Variants in KTN1 observed in about 807,000 individuals in gnomAD.
The protein encoded by KTN1 is kinectin 1, also known as kinectin.
A neutral mutation model predicts 222.5 loss-of-function variants in KTN1; 130 were observed. The observed-to-expected ratio is 0.58, with a 90% CI of 0.51 to 0.68. The LOEUF (loss-of-function observed/expected upper bound fraction) is 0.68. KTN1 is among the 30% of genes least tolerant of loss of function. The pLI, the probability that KTN1 is intolerant of heterozygous loss-of-function variation, is 0.00. For missense variants in KTN1, 1,508 were observed against 1,500.4 expected, an observed-to-expected ratio of 1.01 and a Z score of -0.08; for synonymous variants, 512 against 496.3, an observed-to-expected ratio of 1.03 and a Z score of -0.42.
intron 6 of KTN1, among the ~76,000 whole-genome samples, chr14:55,628,426 A>G (rs571589797): frequency 9.2e-5 from 14 of 152,214 alleles, no homozygotes; most frequent in Non-Finnish European, 1.9e-4. Context: ...GCTTCTTGTG[A>G]TAAGTATAAT....
chr14:55,675,955 G>C lies in KTN1; in HGVS notation c.3855+37G>C, dbSNP rs761527619. On this transcript the variant is annotated intron_variant, in intron 41 of 43. Coordinates refer to ENST00000395314, the MANE Select transcript of KTN1 (RefSeq NM_001079521.2). ...TCGTCCTAGAGATGTAGTATCATGAGCCTGTGTTGTGTGTTCAATCTTAAG... is the reference window on the plus strand; with the variant it reads ...TCGTCCTAGAGATGTAGTATCATGACCCTGTGTTGTGTGTTCAATCTTAAG... 4.2e-6 allele frequency: 6 copies of C among 1,422,672 alleles called. No individual in the cohort carries two copies. The African/African-American group carries it at 8.5e-5, about 20-fold the overall frequency. 88.1% of individuals were successfully genotyped at this position (1,422,672 alleles called of 1,614,324 possible).
rs1566788833 is a variant in KTN1, at chr14:55,646,494, CCTTTCCTTT to C, written c.2173-477_2173-469del. On this transcript the variant is annotated intron_variant, in intron 18 of 43. Coordinates refer to ENST00000395314, the MANE Select transcript of KTN1 (RefSeq NM_001079521.2). ...CCTTTCCTTTCCTTTCCTTTCCTTT[CCTTTCCTTT>C]CCTTTCCTTTCCTTTCCTTTCCTTT... 6.4e-3 allele frequency among the ~76,000 whole-genome samples: 681 copies of C among 105,702 alleles called. 18 individuals carry two copies. Among genetic ancestry groups the C allele is most frequent in the African/African-American group, 0.024 (656 of 27,694 alleles). The allele number at this position is 105,702 out of a possible 152,430, so 69.3% of individuals were successfully genotyped here.
At chr14:55,611,243 C>T (rs56229542) in intron 1 of KTN1, among the ~76,000 whole-genome samples, 37,797 of 150,258 alleles carry the variant, frequency 0.25, 4,849 homozygotes, top group East Asian at 0.32. Flanking sequence ...CACTTAACTA[C>T]GCCCAGCTAA....
intron 7 of KTN1, among the ~76,000 whole-genome samples, chr14:55,631,275 C>T (rs2040475676): frequency 6.8e-6 from 1 of 147,002 alleles, no homozygotes; most frequent in South Asian, 2.2e-4. Flanking sequence ...GCTGATCCTT[C>T]AATTTGGAAG....
chr14:55,673,217 T>C lies in KTN1; in HGVS notation c.3733T>C (p.Tyr1245His), dbSNP rs537088531. The change falls in exon 40 of 44, where the codon TAT becomes CAT. Residue 1245 changes from tyrosine to histidine, a missense_variant. By Grantham distance (83) the Tyr-to-His change is moderately conservative. Coordinates refer to ENST00000395314, the MANE Select transcript of KTN1 (RefSeq NM_001079521.2). ...ATTGCAGAAAAAACTTGATGATTCA[T>C]ATTCTGAAGCAGTAAGACAGAATGA... The part of the protein sequence containing the change: ...TELQKKLDDS[Y>H]SEAVRQNEEL... 1.9e-6 allele frequency: 3 copies of C among 1,613,194 alleles called. No homozygotes were observed. Among genetic ancestry groups the C allele is most frequent in the African/African-American group, 2.7e-5 (2 of 75,016 alleles).
intron 25 of KTN1, among the ~76,000 whole-genome samples, chr14:55,652,416 T>TG (rs1025418745): frequency 4.8e-5 from 7 of 144,676 alleles, no homozygotes; most frequent in Non-Finnish European, 1.0e-4. Context: ...TTTTTTTTTT[T>TG]GAGATGGAAT....
Position 55,640,439 on chromosome 14 carries a change from G to A in KTN1, c.1980G>A (p.Glu660=). 6.2e-7 allele frequency: 1 copy of A among 1,602,536 alleles called. No individual in the cohort carries two copies. The highest frequency in any genetic ancestry group is 1.1e-5 in the South Asian group (1 of 89,858). Residue 660 remains glutamate (E), a synonymous_variant, in exon 15 of 44, where the codon GAG becomes GAA. Transcript: ENST00000395314. ...EVQKLQALAN[E]QAAAAHELEK... ...AGAAATTACAGGCCCTGGCAAATGA[G>A]CAGGTAGATCTTTATTGCTTTTGAG...
At position 55,612,206 on chromosome 14, in the gene KTN1, A is replaced by G. The variant is rs895585373; in HGVS notation, c.158A>G (p.Asp53Gly). The change falls in exon 2 of 44, where the codon GAT (aspartate) becomes GGT (glycine). Residue 53 changes from aspartate (D) to glycine (G), a missense_variant. Transcript: ENST00000395314. Reference sequence around the variant, plus strand: ...CAAAAGCTTATTCCTACCAAAACAGATAAAAAGAAAGCAGAAAAGAAAAAG... The same window carrying G: ...CAAAAGCTTATTCCTACCAAAACAGGTAAAAAGAAAGCAGAAAAGAAAAAG... ...REQKLIPTKT[D>G]KKKAEKKKNK... 4 of 1,587,202 alleles carry G rather than the reference A, an allele frequency of 2.5e-6. No individual in the cohort carries two copies. Among genetic ancestry groups the G allele is most frequent in the African/African-American group, 2.7e-5 (2 of 72,838 alleles).
At chr14:55,648,987 A>G in intron 21 of KTN1, 117 bp downstream of exon 21, 13 of 675,574 alleles carry the variant, frequency 1.9e-5, no homozygotes, top group Non-Finnish European at 2.8e-5. Flanking sequence ...GTGCAGTGGT[A>G]CAATCATAAC....
At position 55,658,579 on chromosome 14, in the gene KTN1, C is replaced by G; in HGVS notation, c.2926C>G (p.Gln976Glu). 6.2e-7 allele frequency: 1 copy of G among 1,605,472 alleles called. No individual in the cohort carries two copies. The highest frequency in any genetic ancestry group is 8.5e-7 in the Non-Finnish European group (1 of 1,173,792). Residue 976 changes from glutamine (Q) to glutamate (E), a missense_variant, in exon 30 of 44, where the codon CAA becomes GAA. Physicochemically the swap from Gln to Glu is conservative, Grantham distance 29. Coordinates refer to ENST00000395314, the MANE Select transcript of KTN1 (RefSeq NM_001079521.2). ...VQDENKLFKS[Q>E]IEQLKQQNYQ... ...AGATGAAAACAAATTGTTTAAGTCCCAAATTGAGCAGCTTAAACAACAAAA... is the reference window on the plus strand; with the variant it reads ...AGATGAAAACAAATTGTTTAAGTCCGAAATTGAGCAGCTTAAACAACAAAA...
At chr14:55,584,754 T>C (rs2032580797) in intron 1 of KTN1, among the ~76,000 whole-genome samples, 1 of 152,184 alleles carries the variant, frequency 6.6e-6, no homozygotes, top group African/African-American at 2.4e-5. Context: ...GGTAGGCTTT[T>C]TGTCTGTTTT....
At position 55,636,529 on chromosome 14, in the gene KTN1, A is replaced by T; in HGVS notation, c.1542A>T (p.Ala514=). ...IRKRTAEHEA[A]QQDLQSKFVA... ...AGAGAACAGCGGAACATGAGGCAGC[A>T]CAGCAAGGTAAGGGGAAGAAGTATT... The change falls in exon 10 of 44, where the codon GCA becomes GCT. Residue 514 remains alanine, a synonymous_variant. Transcript: ENST00000395314. The T allele has an allele frequency of 6.2e-7, 1 of 1,607,250 alleles. No homozygotes were observed. The highest frequency in any genetic ancestry group is 8.5e-7 in the Non-Finnish European group (1 of 1,176,006).
chr14:55,607,007 A>G (rs1263462287), intron 1 of KTN1, among the ~76,000 whole-genome samples: 1 of 152,200 alleles, frequency 6.6e-6, no homozygotes, highest in Non-Finnish European at 1.5e-5. Flanking sequence ...GTTTTATTAT[A>G]TAGACAGTGT....
chr14:55,617,924 T>TA (rs2038618237), intron 3 of KTN1, 40 bp from the exon 4 acceptor site: 1 of 1,437,646 alleles, frequency 7.0e-7, no homozygotes, highest in Non-Finnish European at 9.5e-7. Context: ...CTCTGTTTTG[T>TA]AAAAATTCTA....
intron 1 of KTN1, among the ~76,000 whole-genome samples, chr14:55,583,861 C>T (rs1037773149): frequency 6.6e-6 from 1 of 152,132 alleles, no homozygotes; most frequent in Non-Finnish European, 1.5e-5. Context: ...ATCAAACATT[C>T]AGGTAAAAAA....
At chr14:55,604,300 T>G (rs914565827) in intron 1 of KTN1, among the ~76,000 whole-genome samples, 23 of 152,160 alleles carry the variant, frequency 1.5e-4, no homozygotes, top group African/African-American at 5.1e-4. Flanking sequence ...TTCACTGTAT[T>G]TTGCTCTTCA....
Position 55,636,449 on chromosome 14 carries a change from G to A in KTN1, c.1462G>A (p.Val488Ile). 3.7e-6 allele frequency: 6 copies of A among 1,605,720 alleles called. No homozygotes were observed. Among genetic ancestry groups the A allele is most frequent in the Non-Finnish European group, 5.1e-6 (6 of 1,174,828 alleles). The change falls in exon 10 of 44, where the codon GTT (valine) becomes ATT (isoleucine). Residue 488 changes from valine to isoleucine, a missense_variant and splice_region_variant. Coordinates refer to ENST00000395314, the MANE Select transcript of KTN1 (RefSeq NM_001079521.2). Reference protein sequence around the residue: ...NAEQAATQLKVQLQEAERRWE... With the variant: ...NAEQAATQLKIQLQEAERRWE... ...CCTTTCTCCCTTTTAAAATACCAAGGTTCAACTACAAGAAGCTGAGAGAAG... is the reference window on the plus strand; with the variant it reads ...CCTTTCTCCCTTTTAAAATACCAAGATTCAACTACAAGAAGCTGAGAGAAG...
chr14:55,651,426 G>A (rs1007149843), intron 24 of KTN1: 17 of 451,554 alleles, frequency 3.8e-5, no homozygotes, highest in Non-Finnish European at 6.7e-5. Flanking sequence ...GGACATCATA[G>A]AGTACTGTTG....
At chr14:55,587,045 C>T (rs2033158144) in intron 1 of KTN1, among the ~76,000 whole-genome samples, 1 of 152,080 alleles carries the variant, frequency 6.6e-6, no homozygotes, top group African/African-American at 2.4e-5. Flanking sequence ...TTATAATACG[C>T]TTATTTCTTT....
Sources: allele counts gnomAD v4.1 joint callset (sites outside exome capture counted in the v4.1 genomes callset), GRCh38; gene constraint gnomAD v4.1.1; transcripts MANE v1.5; gene names NCBI Gene and HGNC (gene_info 2026-07-23, HGNC 2026-07-21).